AGBL4: variants seen among roughly 807,000 people sequenced by gnomAD.
AGBL4 encodes the protein AGBL carboxypeptidase 4.
Under a neutral mutation model 66.4 loss-of-function variants are expected in AGBL4, and 58 were observed. That is an observed-to-expected ratio of 0.87 (90% CI 0.71 to 1.09). The LOEUF is 1.09. AGBL4 is among the 50% of genes least tolerant of loss of function. The pLI is 0.00. For missense variants in AGBL4, 579 were observed against 631.0 expected (o/e 0.92, Z 0.88); for synonymous variants, 234 against 222.9 (o/e 1.05, Z -0.44).
chr1:49,879,970 G>T (rs1411375115), intron 1 of AGBL4, among the ~76,000 whole-genome samples: 2 of 147,752 alleles, frequency 1.4e-5, no homozygotes, highest in Non-Finnish European at 3.0e-5. Context: ...TGAGGCTTCT[G>T]CATTCTTCAT....
At chr1:49,709,699 A>G (rs894382288) in intron 2 of AGBL4, among the ~76,000 whole-genome samples, 2 of 152,220 alleles carry the variant, frequency 1.3e-5, no homozygotes, top group African/African-American at 4.8e-5. Context: ...TCCATCTGAC[A>G]AAAAGCTAAT....
chr1:49,273,266 G>A (rs241465), intron 3 of AGBL4, among the ~76,000 whole-genome samples: 105,311 of 151,792 alleles, frequency 0.69, 37,401 homozygotes, highest in African/African-American at 0.81. Context: ...TTTTTCACCA[G>A]AAAATAAGGG....
rs566522755 is a variant in AGBL4 at position 48,706,336 on chromosome 1, A to G, written c.635-43095T>C. On this transcript the variant is annotated intron_variant, in intron 6 of 13. Coordinates refer to ENST00000371839, the MANE Select transcript of AGBL4 (RefSeq NM_032785.4). ...ATGTAACAATTTCTACTCTACAAAC[A>G]TAAATGAATTTGGTAAATTCCAAAT... Among the ~76,000 whole-genome samples, 8 of 152,332 alleles carry G rather than the reference A, an allele frequency of 5.3e-5. No individual in the cohort carries two copies. The East Asian group carries it at 7.7e-4, about 15-fold the overall frequency.
chr1:49,865,712 T>G (rs915834690), intron 1 of AGBL4, among the ~76,000 whole-genome samples: 1 of 152,100 alleles, frequency 6.6e-6, no homozygotes, highest in Non-Finnish European at 1.5e-5. Flanking sequence ...TCCAAATGAT[T>G]GCAACATCTC....
chr1:49,168,195 C>T (rs1646668100), intron 4 of AGBL4, among the ~76,000 whole-genome samples: 1 of 152,044 alleles, frequency 6.6e-6, no homozygotes, highest in Non-Finnish European at 1.5e-5. Context: ...TAGATTTTAC[C>T]ATTATGACCA....
chr1:48,871,016 A>C (rs1648600714), intron 5 of AGBL4, among the ~76,000 whole-genome samples: 1 of 152,222 alleles, frequency 6.6e-6, no homozygotes, highest in Non-Finnish European at 1.5e-5. Flanking sequence ...AATTTTCCTT[A>C]CTAGTCTACC....
intron 4 of AGBL4, among the ~76,000 whole-genome samples, chr1:49,107,860 T>C (rs868509998): frequency 1.3e-5 from 2 of 152,072 alleles, no homozygotes; most frequent in African/African-American, 4.8e-5. Context: ...GCCAATAATA[T>C]TCAGAATACA....
chr1:49,435,136 T>A (rs889101815), intron 3 of AGBL4, among the ~76,000 whole-genome samples: 2 of 152,208 alleles, frequency 1.3e-5, no homozygotes, highest in Non-Finnish European at 2.9e-5. Flanking sequence ...ATATAACAGT[T>A]TGTTGTTACA....
intron 3 of AGBL4, among the ~76,000 whole-genome samples, chr1:49,666,321 T>G (rs1646366385): frequency 6.6e-6 from 1 of 152,084 alleles, no homozygotes; most frequent in Non-Finnish European, 1.5e-5. Flanking sequence ...GCCTAGCACT[T>G]TGGAAGGCCC....
chr1:49,605,832 A>T (rs545317490), intron 3 of AGBL4, among the ~76,000 whole-genome samples: 1 of 152,236 alleles, frequency 6.6e-6, no homozygotes, highest in East Asian at 1.9e-4. Context: ...ATACTAAAAG[A>T]TAAACTGGAT....
At chr1:50,012,238 GA>G (rs951821798) in intron 1 of AGBL4, among the ~76,000 whole-genome samples, 2 of 146,808 alleles carry the variant, frequency 1.4e-5, no homozygotes, top group African/African-American at 2.5e-5. Flanking sequence ...GATATGGATT[GA>G]AAAAAAAATA....
chr1:49,467,559 C>T (rs1197957830), intron 3 of AGBL4, among the ~76,000 whole-genome samples: 1 of 151,778 alleles, frequency 6.6e-6, no homozygotes, highest in African/African-American at 2.4e-5. Context: ...CAACTATGAG[C>T]AATGCAGGAC....
intron 3 of AGBL4, among the ~76,000 whole-genome samples, chr1:49,282,550 A>G (rs1644298083): frequency 6.6e-6 from 1 of 152,238 alleles, no homozygotes; most frequent in African/African-American, 2.4e-5. Flanking sequence ...GCTCCGGTCT[A>G]CAGCTCCCAG....
chr1:49,837,778 G>C lies in AGBL4; in HGVS notation c.157+13618C>G, dbSNP rs866061918. Among the ~76,000 whole-genome samples the C allele has an allele frequency of 2.6e-5, 4 of 152,334 alleles. No individual in the cohort carries two copies. The Middle Eastern group carries it at 0.014, about 518-fold the overall frequency. On this transcript the variant is annotated intron_variant, in intron 2 of 13. Transcript: ENST00000371839. ...GAGAATGGCGTGAACCTGAGAGGCA[G>C]AGCTTGCAGTAAGCTGAGATCGTGC...
At chr1:48,901,964 A>C (rs1652123648) in intron 5 of AGBL4, among the ~76,000 whole-genome samples, 1 of 152,210 alleles carries the variant, frequency 6.6e-6, no homozygotes, top group Non-Finnish European at 1.5e-5. Flanking sequence ...TCATGGCGGA[A>C]GGTGAAGGGC....
intron 3 of AGBL4, among the ~76,000 whole-genome samples, chr1:49,285,425 T>C (rs923413037): frequency 2.6e-5 from 4 of 151,418 alleles, no homozygotes; most frequent in East Asian, 1.9e-4. Flanking sequence ...GCAGGAAAGA[T>C]CCAAAATTGA....
At chr1:49,811,730 C>T (rs986227252) in intron 2 of AGBL4, among the ~76,000 whole-genome samples, 2 of 152,136 alleles carry the variant, frequency 1.3e-5, no homozygotes, top group Non-Finnish European at 2.9e-5. Flanking sequence ...GCTGGGATTA[C>T]AGGCATGAGC....
At chr1:49,159,473 T>A (rs1204324060) in intron 4 of AGBL4, among the ~76,000 whole-genome samples, 8 of 152,182 alleles carry the variant, frequency 5.3e-5, no homozygotes, top group African/African-American at 9.7e-5. Flanking sequence ...TAACCCGACC[T>A]TTCTCTCTGG....
intron 4 of AGBL4, among the ~76,000 whole-genome samples, chr1:49,065,835 C>T (rs1322560581): frequency 3.9e-5 from 6 of 152,210 alleles, no homozygotes; most frequent in Non-Finnish European, 7.3e-5. Flanking sequence ...GAAGCATTCA[C>T]AACCAGCCCA....
Sources: gnomAD v4.1 joint callset for allele counts (sites outside exome capture counted in the v4.1 genomes callset) on GRCh38, gnomAD v4.1.1 for gene constraint, MANE v1.5 for transcripts, NCBI Gene and HGNC (gene_info 2026-07-23, HGNC 2026-07-21) for gene names.